Variants in ADGRA3 observed in about 807,000 individuals in gnomAD.
ADGRA3 encodes adhesion G protein-coupled receptor A3, also known as G-protein coupled receptor 125.
In ADGRA3, 56 loss-of-function variants were observed where a neutral mutation model predicts 119.8. That is an observed-to-expected ratio of 0.47 (90% CI 0.38 to 0.58). The LOEUF is 0.58. ADGRA3 is among the 20% of genes least tolerant of loss of function. The pLI, the probability that ADGRA3 is intolerant of heterozygous loss-of-function variation, is 0.00. For synonymous variants in ADGRA3, 607 were observed against 623.8 expected, an observed-to-expected ratio of 0.97 and a Z score of 0.40; for missense variants, 1,516 against 1,649.0, an observed-to-expected ratio of 0.92 and a Z score of 1.40.
At chr4:22,470,880 C>CT (rs1329143076) in intron 2 of ADGRA3, among the ~76,000 whole-genome samples, 1 of 152,190 alleles carries the variant, frequency 6.6e-6, no homozygotes, top group Admixed American at 6.5e-5. Context: ...CCTGGGGACT[C>CT]TGAGGCCAGT....
At chr4:22,438,188 A>G in intron 8 of ADGRA3, 68 bp downstream of exon 8, 1 of 1,337,594 alleles carries the variant, frequency 7.5e-7, no homozygotes, top group South Asian at 1.3e-5. Context: ...GAAACCAATA[A>G]TGTGTCTTAG....
chr4:22,447,629 G>A, intron 4 of ADGRA3, 118 bp from the exon 5 acceptor site: 1 of 561,462 alleles, frequency 1.8e-6, no homozygotes, highest in East Asian at 3.2e-5. Context: ...ACTCATGAAA[G>A]TTTCAATGCT....
At chr4:22,509,134 G>C (rs1719346059) in intron 1 of ADGRA3, among the ~76,000 whole-genome samples, 1 of 152,160 alleles carries the variant, frequency 6.6e-6, no homozygotes, top group Non-Finnish European at 1.5e-5. Flanking sequence ...TACATGCAGG[G>C]GAGAGAGTTC....
chr4:22,421,445 A>C (rs1235571024), intron 11 of ADGRA3, among the ~76,000 whole-genome samples: 1 of 152,174 alleles, frequency 6.6e-6, no homozygotes, highest in Non-Finnish European at 1.5e-5. Context: ...AGCTAGAGAA[A>C]TCAGTGGACC....
intron 1 of ADGRA3, among the ~76,000 whole-genome samples, chr4:22,505,650 A>C (rs1291654515): frequency 6.6e-6 from 1 of 151,486 alleles, no homozygotes; most frequent in African/African-American, 2.4e-5. Context: ...CTGTCTCAAA[A>C]AAAAAAAAAA....
chr4:22,489,990 T>A (rs921180156), intron 1 of ADGRA3, among the ~76,000 whole-genome samples: 1 of 152,216 alleles, frequency 6.6e-6, no homozygotes, highest in African/African-American at 2.4e-5. Flanking sequence ...CCTTAACTCC[T>A]GAAACGGTTC....
chr4:22,459,232 A>C (rs985553225), intron 3 of ADGRA3, among the ~76,000 whole-genome samples: 4 of 152,224 alleles, frequency 2.6e-5, no homozygotes, highest in Non-Finnish European at 5.9e-5. Context: ...TTTTGCAAAT[A>C]CTGCACGTTC....
intron 2 of ADGRA3, among the ~76,000 whole-genome samples, chr4:22,466,400 C>A (rs1035242254): frequency 8.5e-5 from 13 of 152,158 alleles, no homozygotes; most frequent in Non-Finnish European, 1.6e-4. Context: ...ATCCTTGAGG[C>A]CTTGGGTGAA....
At chr4:22,511,486 C>G (rs141942947) in intron 1 of ADGRA3, among the ~76,000 whole-genome samples, 2 of 152,086 alleles carry the variant, frequency 1.3e-5, no homozygotes, top group Non-Finnish European at 2.9e-5. Context: ...AAGGATCTGA[C>G]TTTTAGGCTA....
Position 22,515,841 on chromosome 4 carries a change from C to G in ADGRA3, c.-57G>C. Reference sequence around the variant, plus strand: ...GGCGCACTGGCCTAGCGGGCCGCCCCGGAGCCCGGGCGGGCAGGAGCGCGG... The same window carrying G: ...GGCGCACTGGCCTAGCGGGCCGCCCGGGAGCCCGGGCGGGCAGGAGCGCGG... On this transcript the variant is annotated 5_prime_UTR_variant, in exon 1 of 19. Coordinates refer to ENST00000334304, the MANE Select transcript of ADGRA3 (RefSeq NM_145290.4). 1 of 980,806 alleles carries G rather than the reference C, an allele frequency of 1.0e-6. No individual in the cohort carries two copies. The highest frequency in any genetic ancestry group is 1.2e-6 in the Non-Finnish European group (1 of 827,506). The allele number at this position is 980,806 out of a possible 1,614,324, so 60.8% of individuals were successfully genotyped here.
intron 10 of ADGRA3, among the ~76,000 whole-genome samples, chr4:22,431,479 C>A (rs1716167332): frequency 6.6e-6 from 1 of 152,184 alleles, no homozygotes; most frequent in African/African-American, 2.4e-5. Flanking sequence ...CAAAGGAGAT[C>A]ATTTTGGAGC....
intron 16 of ADGRA3, among the ~76,000 whole-genome samples, chr4:22,399,200 T>C (rs1437109903): frequency 3.9e-5 from 6 of 152,226 alleles, no homozygotes; most frequent in Admixed American, 2.6e-4. Context: ...CTACTTTTTC[T>C]TCTGACTTGT....
chr4:22,416,136 TTA>T (rs1715421271), intron 12 of ADGRA3, among the ~76,000 whole-genome samples: 1 of 152,216 alleles, frequency 6.6e-6, no homozygotes, highest in Non-Finnish European at 1.5e-5. Context: ...TGTAAATCTA[TTA>T]GTCACCGCAA....
Position 22,438,300 on chromosome 4 carries a change from C to A in ADGRA3, c.1041G>T (p.Gln347His). 1 of 1,612,122 alleles carries A rather than the reference C, an allele frequency of 6.2e-7. No individual in the cohort carries two copies. Among genetic ancestry groups the A allele is most frequent in the Non-Finnish European group, 8.5e-7 (1 of 1,179,282 alleles). Reference protein sequence around the residue: ...VDIVVLESSAQYCPPERVVNN... With the variant: ...VDIVVLESSAHYCPPERVVNN... ...TTACCACCCTCTCTGGAGGACAGTA[C>A]TGTGCAGAACTCTCTAATACCACAA... Residue 347 changes from glutamine (Q) to histidine (H), a missense_variant, in exon 8 of 19, where the codon CAG becomes CAT. Gln to His is a conservative substitution (Grantham distance 24). This residue lies in a region of ADGRA3 where 428 missense variants were observed against 541.9 expected (regional missense o/e 0.79). Coordinates refer to ENST00000334304, the MANE Select transcript of ADGRA3 (RefSeq NM_145290.4).
intron 3 of ADGRA3, among the ~76,000 whole-genome samples, chr4:22,456,580 G>A (rs1278160639): frequency 6.6e-6 from 1 of 152,160 alleles, no homozygotes; most frequent in African/African-American, 2.4e-5. Context: ...TTGGACTGGG[G>A]ACTGCAAGGT....
chr4:22,388,396 C>T lies in ADGRA3; in HGVS notation c.3275G>A (p.Ser1092Asn). 1 of 1,614,056 alleles carries T rather than the reference C, an allele frequency of 6.2e-7. No individual in the cohort carries two copies. The highest frequency in any genetic ancestry group is 1.3e-5 in the African/African-American group (1 of 75,030). ...GTTTGTGCATGAAGACTCCGCACTG[C>T]TATTGGGGCATTTGGGTGCCTCTCC... ...TNGEAPKCPN[S>N]SAESSCTNKS... The change falls in exon 19 of 19, where the codon AGC becomes AAC. Residue 1092 changes from serine to asparagine, a missense_variant. This residue lies in a region of ADGRA3 where 1,088 missense variants were observed against 1,107.1 expected (regional missense o/e 0.98). Transcript: ENST00000334304.
At chr4:22,489,026 G>A (rs1718536103) in intron 1 of ADGRA3, among the ~76,000 whole-genome samples, 1 of 152,162 alleles carries the variant, frequency 6.6e-6, no homozygotes, top group Non-Finnish European at 1.5e-5. Flanking sequence ...CCATTTTCAT[G>A]CTGCTGATAA....
At chr4:22,502,440 TATATC>T (rs1288201286) in intron 1 of ADGRA3, among the ~76,000 whole-genome samples, 1 of 152,172 alleles carries the variant, frequency 6.6e-6, no homozygotes, top group East Asian at 1.9e-4. Flanking sequence ...GAATGGCAGA[TATATC>T]ATATGCTAGA....
At chr4:22,445,941 C>G in intron 5 of ADGRA3, among the ~76,000 whole-genome samples, 1 of 152,220 alleles carries the variant, frequency 6.6e-6, no homozygotes, top group East Asian at 1.9e-4. Flanking sequence ...TCATGTGCCA[C>G]ACATTTGCTA....
Sources: allele counts gnomAD v4.1 joint callset (sites outside exome capture counted in the v4.1 genomes callset), GRCh38; gene constraint gnomAD v4.1.1; regional missense constraint gnomAD v4.1.1; transcripts MANE v1.5; gene names NCBI Gene and HGNC (gene_info 2026-07-23, HGNC 2026-07-21).